FBXO38: variants seen among roughly 807,000 people sequenced by gnomAD.
FBXO38 encodes F-box protein 38.
A neutral mutation model predicts 131.9 loss-of-function variants in FBXO38; 53 were observed. The observed-to-expected ratio is 0.40, with a 90% CI of 0.32 to 0.51. The LOEUF (loss-of-function observed/expected upper bound fraction) is 0.51. FBXO38 is among the 20% of genes least tolerant of loss of function. The pLI, the probability that FBXO38 is intolerant of heterozygous loss-of-function variation, is 0.53. For missense variants in FBXO38, 1,076 were observed against 1,475.6 expected (o/e 0.73, Z 4.44); for synonymous variants, 452 against 505.6 (o/e 0.89, Z 1.42).
chr5:148,417,850 T>C (rs1316582434), intron 12 of FBXO38, among the ~76,000 whole-genome samples: 1 of 152,210 alleles, frequency 6.6e-6, no homozygotes, highest in African/African-American at 2.4e-5. Context: ...GTTTCCCAGT[T>C]GACGCTTAGG....
intron 15 of FBXO38, chr5:148,433,182 T>G: frequency 2.8e-6 from 1 of 363,514 alleles, no homozygotes; most frequent in South Asian, 3.7e-5. Flanking sequence ...TTTATTAGAT[T>G]ATTAGGATGA....
chr5:148,407,362 T>C (rs1356265858), intron 7 of FBXO38, among the ~76,000 whole-genome samples: 1 of 152,166 alleles, frequency 6.6e-6, no homozygotes, highest in East Asian at 1.9e-4. Flanking sequence ...TAATCAGTTT[T>C]TAAGGGTGAC....
chr5:148,407,587 A>G (rs944248004), intron 7 of FBXO38, among the ~76,000 whole-genome samples: 3 of 152,148 alleles, frequency 2.0e-5, no homozygotes, highest in African/African-American at 7.2e-5. Flanking sequence ...CCAAATTAAA[A>G]TTAAAATTTT....
intron 17 of FBXO38, among the ~76,000 whole-genome samples, chr5:148,437,617 T>TAA (rs1454762040): frequency 2.6e-5 from 4 of 152,204 alleles, no homozygotes; most frequent in Admixed American, 6.5e-5. Context: ...CAGTGAAAAT[T>TAA]GGACCAGGTT....
At chr5:148,393,187 G>GT (rs1758292189) in intron 1 of FBXO38, among the ~76,000 whole-genome samples, 3 of 135,878 alleles carry the variant, frequency 2.2e-5, no homozygotes, top group Non-Finnish European at 3.1e-5. Context: ...AACAGAAGAG[G>GT]GGTGTGTGTG....
chr5:148,408,371 G>T (rs1356549174), intron 7 of FBXO38, among the ~76,000 whole-genome samples: 2 of 152,150 alleles, frequency 1.3e-5, no homozygotes, highest in African/African-American at 4.8e-5. Flanking sequence ...TGCATTCCTG[G>T]CTTTAAACCC....
chr5:148,442,067 G>A lies in FBXO38; in HGVS notation c.3487G>A (p.Gly1163Ser). ...TTCAGAGATGCGTCAGATGAAGAAG[G>A]GTGTATTTCAGCGAGTAGTGGCAAT... ...EISEMRQMKK[G>S]VFQRVVAIFI... The change falls in exon 22 of 22, where the codon GGT becomes AGT. Residue 1163 changes from glycine (G) to serine (S), a missense_variant. Coordinates refer to ENST00000340253, the MANE Select transcript of FBXO38 (RefSeq NM_205836.3). The A allele has an allele frequency of 1.2e-6, 2 of 1,614,070 alleles. No homozygotes were observed. The highest frequency in any genetic ancestry group is 1.7e-6 in the Non-Finnish European group (2 of 1,179,948).
In FBXO38 at chr5:148,414,129, T is replaced by G; in HGVS notation, c.1094-7T>G. ...TTTTTTTTTTTTTAATTGATTGCTC[T>G]TTTTAGGCAGAATGGCTAATGCGGA... On this transcript the variant is annotated splice_polypyrimidine_tract_variant and splice_region_variant and intron_variant, in intron 9 of 21. Coordinates refer to ENST00000340253, the MANE Select transcript of FBXO38 (RefSeq NM_205836.3). 6.3e-7 allele frequency: 1 copy of G among 1,587,946 alleles called. No homozygotes were observed. Among genetic ancestry groups the G allele is most frequent in the East Asian group, 2.2e-5 (1 of 44,570 alleles).
intron 1 of FBXO38, among the ~76,000 whole-genome samples, chr5:148,387,529 ACT>A (rs1757975280): frequency 6.6e-6 from 1 of 151,968 alleles, no homozygotes; most frequent in African/African-American, 2.4e-5. Context: ...TGGATTCCAA[ACT>A]CTTGTTAATG....
intron 12 of FBXO38, among the ~76,000 whole-genome samples, chr5:148,417,898 G>T (rs1204530329): frequency 2.0e-5 from 3 of 152,070 alleles, no homozygotes; most frequent in Non-Finnish European, 4.4e-5. Flanking sequence ...TCCTTTTGTT[G>T]TTCCCCATTT....
chr5:148,442,231 C>A lies in FBXO38; in HGVS notation c.*84C>A. 1 of 1,344,078 alleles carries A rather than the reference C, an allele frequency of 7.4e-7. No homozygotes were observed. The highest frequency in any genetic ancestry group is 2.3e-5 in the East Asian group (1 of 43,262). 83.3% of individuals were successfully genotyped at this position (1,344,078 alleles called of 1,614,324 possible). ...CAGAGTGCTCCACAGGGACTTGAGG[C>A]ATGCAGTTGGGAGGTCCTGGCTCGG... On this transcript the variant is annotated 3_prime_UTR_variant, in exon 22 of 22. Transcript: ENST00000340253.
At chr5:148,387,533 T>A (rs1757975556) in intron 1 of FBXO38, among the ~76,000 whole-genome samples, 1 of 152,188 alleles carries the variant, frequency 6.6e-6, no homozygotes, top group African/African-American at 2.4e-5. Context: ...TTCCAAACTC[T>A]TGTTAATGTT....
At position 148,439,642 on chromosome 5, in the gene FBXO38, C is replaced by T; in HGVS notation, c.3025-5C>T. 1 of 1,601,222 alleles carries T rather than the reference C, an allele frequency of 6.2e-7. No homozygotes were observed. The highest frequency in any genetic ancestry group is 8.5e-7 in the Non-Finnish European group (1 of 1,178,804). On this transcript the variant is annotated splice_polypyrimidine_tract_variant and splice_region_variant and intron_variant, in intron 18 of 21. Transcript: ENST00000340253. Reference sequence around the variant, plus strand: ...GAAGACATCTCTTTATGATGTCTTCCACAGGTGGACACTCTAACTTTGGAG... The same window carrying T: ...GAAGACATCTCTTTATGATGTCTTCTACAGGTGGACACTCTAACTTTGGAG...
chr5:148,419,719 G>A (rs1342638774), intron 12 of FBXO38, among the ~76,000 whole-genome samples: 1 of 152,086 alleles, frequency 6.6e-6, no homozygotes, highest in South Asian at 2.1e-4. Context: ...TCCAGCCTGG[G>A]TGACAGAGGG....
At chr5:148,433,859 T>C (rs1458956159) in intron 17 of FBXO38, 122 bp downstream of exon 17, 6 of 551,160 alleles carry the variant, frequency 1.1e-5, no homozygotes, top group Non-Finnish European at 1.6e-5. Flanking sequence ...TGTTGGGTTA[T>C]CTTTAGTTCC....
In FBXO38 at chr5:148,416,108, A is replaced by G. The variant is rs200444408; in HGVS notation, c.1407+38A>G. 1.9e-5 allele frequency: 29 copies of G among 1,492,758 alleles called. No individual in the cohort carries two copies. The East Asian group carries it at 6.9e-4, about 35-fold the overall frequency. 92.5% of individuals were successfully genotyped at this position (1,492,758 alleles called of 1,614,324 possible). On this transcript the variant is annotated intron_variant, in intron 11 of 21. Coordinates refer to ENST00000340253, the MANE Select transcript of FBXO38 (RefSeq NM_205836.3). ...TGAGGGAGTTTTTGTTTATTTTGAT[A>G]GGAAAGAAAATAAAAACAGCCTGTG...
intron 14 of FBXO38, among the ~76,000 whole-genome samples, chr5:148,426,613 G>C (rs1581278703): frequency 6.6e-6 from 1 of 152,316 alleles, no homozygotes; most frequent in East Asian, 1.9e-4. Flanking sequence ...TAAATCCTCT[G>C]TTGGCCAGAC....
intron 18 of FBXO38, among the ~76,000 whole-genome samples, chr5:148,439,323 A>T (rs1159455330): frequency 6.6e-6 from 1 of 152,232 alleles, no homozygotes; most frequent in Non-Finnish European, 1.5e-5. Context: ...CAGTTCTATA[A>T]TGCAGTCAGT....
chr5:148,430,748 T>G (rs1482027246), intron 15 of FBXO38: 1 of 152,228 alleles, frequency 6.6e-6, no homozygotes, highest in Non-Finnish European at 1.5e-5. Flanking sequence ...TTTGAGTTCT[T>G]TGGTTTTTAA....
Sources: gnomAD v4.1 joint callset for allele counts (sites outside exome capture counted in the v4.1 genomes callset) on GRCh38, gnomAD v4.1.1 for gene constraint, MANE v1.5 for transcripts, NCBI Gene and HGNC (gene_info 2026-07-23, HGNC 2026-07-21) for gene names.